TPH1: variants seen among roughly 807,000 people sequenced by gnomAD.
TPH1 encodes the protein tryptophan hydroxylase 1.
A neutral mutation model predicts 49.5 loss-of-function variants in TPH1; 37 were observed. The ratio of observed to expected loss-of-function variants is 0.75; its 90% CI spans 0.58 to 0.98. The LOEUF is 0.98. Ranked by LOEUF, TPH1 falls within the 50% of genes least tolerant of loss-of-function variation. The pLI is 0.00. For synonymous variants in TPH1, 160 were observed against 182.1 expected (o/e 0.88, Z 0.98); for missense variants, 487 against 523.6 (o/e 0.93, Z 0.68).
intron 6 of TPH1, among the ~76,000 whole-genome samples, chr11:18,027,996 C>T (rs1847946536): frequency 6.6e-6 from 1 of 152,094 alleles, no homozygotes; most frequent in Admixed American, 6.5e-5. Flanking sequence ...AATTTCAGAC[C>T]ACGATGGAAA....
rs569090385 is a variant in TPH1, at chr11:18,026,708, A to G, written c.668-83T>C. 2.1e-5 allele frequency: 32 copies of G among 1,532,398 alleles called. No individual in the cohort carries two copies. The South Asian group carries it at 3.3e-4, about 16-fold the overall frequency. 94.9% of individuals were successfully genotyped at this position (1,532,398 alleles called of 1,614,324 possible). A position where few individuals can be genotyped will look rare whatever the true frequency, so the allele number is the denominator to read the frequency against. The stretch of plus-strand genomic sequence containing the variant: ...GCATTTTAGTTCTGCTAGTGGCACC[A>G]AGTAACACGTTGATGGAAGGCATGG... On this transcript the variant is annotated intron_variant, in intron 6 of 10. Coordinates refer to ENST00000682019, the MANE Select transcript of TPH1 (RefSeq NM_004179.3).
At chr11:18,042,418 G>A (rs11575862) in intron 1 of TPH1, 2 of 447,796 alleles carry the variant, frequency 4.5e-6, no homozygotes, top group Non-Finnish European at 8.9e-6. Flanking sequence ...GAGTATGGGC[G>A]ACGTTGTCCT....
intron 2 of TPH1, among the ~76,000 whole-genome samples, chr11:18,037,195 C>CA (rs1848055432): frequency 6.6e-6 from 1 of 151,796 alleles, no homozygotes; most frequent in African/African-American, 2.4e-5. Flanking sequence ...CCTGTCTCTA[C>CA]AAAAAATAAT....
intron 2 of TPH1, 148 bp from the exon 3 acceptor site, chr11:18,036,290 A>C (rs1848047909): frequency 6.1e-6 from 4 of 651,922 alleles, no homozygotes; most frequent in Non-Finnish European, 1.1e-5. Flanking sequence ...TGCCAACAAC[A>C]AAATAATTCC....
At chr11:18,036,258 G>A (rs551729185) in intron 2 of TPH1, 116 bp from the exon 3 acceptor site, 7 of 756,096 alleles carry the variant, frequency 9.3e-6, no homozygotes, top group East Asian at 5.4e-5. Flanking sequence ...AACAGCAAAG[G>A]GAAAAAGACT....
intron 3 of TPH1, among the ~76,000 whole-genome samples, chr11:18,034,766 A>G (rs1207677030): frequency 6.6e-6 from 1 of 152,192 alleles, no homozygotes; most frequent in African/African-American, 2.4e-5. Flanking sequence ...GCCTCGAGTG[A>G]ACTCCAAGGA....
chr11:18,044,670 C>T (rs1438254116), intron 1 of TPH1, among the ~76,000 whole-genome samples: 1 of 151,976 alleles, frequency 6.6e-6, no homozygotes, highest in Non-Finnish European at 1.5e-5. Context: ...AACCCCAAAC[C>T]GCTTTCAGAA....
intron 3 of TPH1, among the ~76,000 whole-genome samples, chr11:18,035,042 T>C (rs1848030131): frequency 6.6e-6 from 1 of 152,222 alleles, no homozygotes; most frequent in Non-Finnish European, 1.5e-5. Flanking sequence ...ACAATAGGGT[T>C]TACGCTCCTA....
Position 18,019,998 on chromosome 11 carries a change from C to A in TPH1, c.*993G>T. On this transcript the variant is annotated 3_prime_UTR_variant, in exon 11 of 11. Transcript: ENST00000682019. ...TTCTGTTTATGGCCTCACCTTATAC[C>A]TTAGAAATAAAGTACTCAGCACTGT... The A allele has an allele frequency of 1.1e-5, 3 of 274,366 alleles. No individual in the cohort carries two copies. In the South Asian group the frequency reaches 1.1e-4, roughly 10 times the overall value. The allele number at this position is 274,366 out of a possible 1,614,324, so 17.0% of individuals were successfully genotyped here.
chr11:18,019,457 G>C lies in TPH1; in HGVS notation c.*1534C>G. 3.0e-6 allele frequency: 1 copy of C among 334,574 alleles called. No individual in the cohort carries two copies. The highest frequency in any genetic ancestry group is 2.4e-5 in the South Asian group (1 of 41,474). The allele number at this position is 334,574 out of a possible 1,614,324, so 20.7% of individuals were successfully genotyped here. A position where few individuals can be genotyped will look rare whatever the true frequency, so the allele number is the denominator to read the frequency against. On this transcript the variant is annotated 3_prime_UTR_variant, in exon 11 of 11. Coordinates refer to ENST00000682019, the MANE Select transcript of TPH1 (RefSeq NM_004179.3). ...CTGTTCAATTTGAGATGCTTGGCAGGGCTGTCATATTGAACAACCCCTATT... is the reference window on the plus strand; with the variant it reads ...CTGTTCAATTTGAGATGCTTGGCAGCGCTGTCATATTGAACAACCCCTATT...
intron 3 of TPH1, among the ~76,000 whole-genome samples, chr11:18,035,486 TACA>T (rs1442825468): frequency 6.7e-6 from 1 of 149,258 alleles, no homozygotes; most frequent in African/African-American, 2.4e-5. Flanking sequence ...AGTGCAGTGG[TACA>T]ATCTCGGCTC....
At chr11:18,043,457 T>C (rs1002125263) in intron 1 of TPH1, among the ~76,000 whole-genome samples, 6 of 151,960 alleles carry the variant, frequency 3.9e-5, no homozygotes, top group African/African-American at 1.5e-4. Flanking sequence ...ATACAAAAAT[T>C]AGCCTGGCAT....
intron 8 of TPH1, among the ~76,000 whole-genome samples, chr11:18,024,769 CCA>C (rs1174120974): frequency 6.6e-6 from 1 of 152,168 alleles, no homozygotes; most frequent in African/African-American, 2.4e-5. Context: ...GGTCCCCAAA[CCA>C]CAGTTTTAGA....
In TPH1 at chr11:18,032,601, G is replaced by A. The variant is rs555862050; in HGVS notation, c.402+673C>T. On this transcript the variant is annotated intron_variant, in intron 4 of 10. Transcript: ENST00000682019. ...CACTCTGTTGCCCAGGCTGGAGTGC[G>A]GTCGTGTGATCTCGGCTCACTGCAA... Among the ~76,000 whole-genome samples the A allele has an allele frequency of 6.0e-4, 85 of 141,900 alleles. 2 individuals carry two copies. Among genetic ancestry groups the A allele is most frequent in the African/African-American group, 2.1e-3 (79 of 38,004 alleles). The allele number at this position is 141,900 out of a possible 152,430, so 93.1% of individuals were successfully genotyped here.
chr11:18,040,643 T>C lies in TPH1; in HGVS notation c.117+3A>G. 2.5e-6 allele frequency: 4 copies of C among 1,610,200 alleles called. No individual in the cohort carries two copies. Among genetic ancestry groups the C allele is most frequent in the South Asian group, 2.2e-5 (2 of 90,752 alleles). ...TCTGTGCAAAAATACAGAAAATGCTTACCTGAAAGATTTTCAGGGCTTTTA... is the reference window on the plus strand; with the variant it reads ...TCTGTGCAAAAATACAGAAAATGCTCACCTGAAAGATTTTCAGGGCTTTTA... On this transcript the variant is annotated splice_donor_region_variant and intron_variant, in intron 2 of 10. Coordinates refer to ENST00000682019, the MANE Select transcript of TPH1 (RefSeq NM_004179.3).
chr11:18,042,054 T>A (rs1404033594), intron 1 of TPH1, among the ~76,000 whole-genome samples: 1 of 151,736 alleles, frequency 6.6e-6, no homozygotes, highest in Non-Finnish European at 1.5e-5. Context: ...ACCCAAGGAG[T>A]ACACTCAACC....
At position 18,019,957 on chromosome 11, in the gene TPH1, C is replaced by T; in HGVS notation, c.*1034G>A. The T allele has an allele frequency of 2.9e-6, 1 of 347,616 alleles. No homozygotes were observed. The highest frequency in any genetic ancestry group is 2.2e-5 in the South Asian group (1 of 44,480). The allele number at this position is 347,616 out of a possible 1,614,324, so 21.5% of individuals were successfully genotyped here. The stretch of plus-strand genomic sequence containing the variant: ...TTCCTCCCCTTTTCTGCAGCCTCTA[C>T]TCTCATTGCATACCTTTCTGTTTAT... On this transcript the variant is annotated 3_prime_UTR_variant, in exon 11 of 11. Transcript: ENST00000682019.
At chr11:18,029,108 G>A (rs1196525205) in intron 6 of TPH1, 57 bp downstream of exon 6, 4 of 863,562 alleles carry the variant, frequency 4.6e-6, no homozygotes, top group Admixed American at 2.1e-5. Context: ...AAAAAATGCT[G>A]TCATGATCAA....
intron 2 of TPH1, among the ~76,000 whole-genome samples, chr11:18,039,963 C>T (rs1848084106): frequency 6.6e-6 from 1 of 151,820 alleles, no homozygotes; most frequent in East Asian, 1.9e-4. Context: ...GGGTAATGTA[C>T]CTCCAATGCA....
Sources: allele counts gnomAD v4.1 joint callset (sites outside exome capture counted in the v4.1 genomes callset), GRCh38; gene constraint gnomAD v4.1.1; transcripts MANE v1.5; gene names NCBI Gene and HGNC (gene_info 2026-07-23, HGNC 2026-07-21).